LAMA1: variants seen among roughly 807,000 people sequenced by gnomAD.
LAMA1 encodes laminin subunit alpha-1.
LAMA1 carries 219 observed loss-of-function variants against 348.7 expected under a neutral mutation model. The ratio of observed to expected loss-of-function variants is 0.63; its 90% CI spans 0.56 to 0.70. The LOEUF (loss-of-function observed/expected upper bound fraction) is 0.70, where lower values mean the gene tolerates loss of function less well. Among genes scored for constraint, LAMA1 ranks in the 30% least tolerant of loss-of-function variants. LAMA1 has a pLI of 0.00. For synonymous variants in LAMA1, 1,487 were observed against 1,491.0 expected (o/e 1.00, Z 0.06); for missense variants, 3,744 against 3,888.0 (o/e 0.96, Z 0.99).
At chr18:7,094,400 T>C (rs932870195) in intron 1 of LAMA1, among the ~76,000 whole-genome samples, 42 of 146,494 alleles carry the variant, frequency 2.9e-4, no homozygotes, top group Non-Finnish European at 5.5e-4. Flanking sequence ...GCACTCCAGC[T>C]TGGGTGACAG....
intron 61 of LAMA1, among the ~76,000 whole-genome samples, chr18:6,943,897 A>G (rs1009496460): frequency 6.6e-6 from 1 of 151,716 alleles, no homozygotes; most frequent in Non-Finnish European, 1.5e-5. Flanking sequence ...CCCAAATTCC[A>G]GAAAGCGCAA....
chr18:6,991,779 T>A (rs1600377562), intron 36 of LAMA1, among the ~76,000 whole-genome samples: 1 of 152,318 alleles, frequency 6.6e-6, no homozygotes, highest in East Asian at 1.9e-4. Context: ...TATTTGATAT[T>A]TCAATATAGA....
chr18:7,088,302 C>T (rs2058225750), intron 1 of LAMA1, among the ~76,000 whole-genome samples: 1 of 152,120 alleles, frequency 6.6e-6, no homozygotes, highest in African/African-American at 2.4e-5. Context: ...GGCTTTGCCA[C>T]ACTGAGTACT....
intron 1 of LAMA1, among the ~76,000 whole-genome samples, chr18:7,081,483 T>C (rs1476434174): frequency 2.0e-5 from 3 of 152,210 alleles, no homozygotes; most frequent in African/African-American, 7.2e-5. Flanking sequence ...AACACAAAGA[T>C]ACAGTTTTCA....
At chr18:7,080,126 T>C (rs2058186943) in intron 2 of LAMA1, 39 bp from the exon 3 acceptor site, 1 of 1,579,104 alleles carries the variant, frequency 6.3e-7, no homozygotes, top group Non-Finnish European at 8.7e-7. Flanking sequence ...TCCTCTCGGC[T>C]GTTGCTTTAA....
intron 42 of LAMA1, among the ~76,000 whole-genome samples, chr18:6,979,403 C>T (rs995848206): frequency 6.6e-6 from 1 of 152,144 alleles, no homozygotes; most frequent in Non-Finnish European, 1.5e-5. Flanking sequence ...CACAGTGGCT[C>T]ACACTTGTAA....
intron 1 of LAMA1, among the ~76,000 whole-genome samples, chr18:7,112,915 G>A (rs2058341615): frequency 6.6e-6 from 1 of 152,162 alleles, no homozygotes; most frequent in Non-Finnish European, 1.5e-5. Flanking sequence ...GATTACAGGC[G>A]TGAGCCACTG....
chr18:6,976,298 A>G (rs937784552), intron 44 of LAMA1, among the ~76,000 whole-genome samples: 3 of 152,178 alleles, frequency 2.0e-5, no homozygotes, highest in Non-Finnish European at 2.9e-5. Context: ...TTAGTTTTTA[A>G]TAAGTTATTT....
chr18:7,023,452 A>G, intron 18 of LAMA1, 77 bp from the exon 19 acceptor site: 8 of 1,152,350 alleles, frequency 6.9e-6, no homozygotes, highest in Non-Finnish European at 1.0e-5. Context: ...GGACTCCCTG[A>G]ATGGCTAATA....
chr18:6,976,755 C>T (rs1230611069), intron 44 of LAMA1, among the ~76,000 whole-genome samples: 6 of 151,946 alleles, frequency 3.9e-5, no homozygotes, highest in Non-Finnish European at 8.8e-5. Context: ...TACAGGTTCA[C>T]ACCACCAAGC....
intron 34 of LAMA1, 107 bp downstream of exon 34, chr18:6,995,250 G>C: frequency 2.5e-6 from 2 of 793,868 alleles, no homozygotes; most frequent in Admixed American, 1.8e-5. Context: ...GGAGGAAGAG[G>C]CTGGCATGAT....
At chr18:7,026,888 C>A (rs1002481525) in intron 16 of LAMA1, among the ~76,000 whole-genome samples, 2 of 151,332 alleles carry the variant, frequency 1.3e-5, no homozygotes, top group African/African-American at 4.9e-5. Context: ...TCCCAGCTAC[C>A]TGGGAGGCTG....
chr18:7,001,923 T>C (rs1347724606), intron 30 of LAMA1, among the ~76,000 whole-genome samples: 4 of 152,204 alleles, frequency 2.6e-5, no homozygotes, highest in Non-Finnish European at 5.9e-5. Flanking sequence ...AAATGGTAAT[T>C]GGGTTCTTTT....
At chr18:6,985,754 A>G (rs1384936460) in intron 37 of LAMA1, 111 bp from the exon 38 acceptor site, 2 of 727,144 alleles carry the variant, frequency 2.8e-6, no homozygotes, top group African/African-American at 3.6e-5. Flanking sequence ...CTTTTATTTT[A>G]TTTTAAAGTT....
At chr18:7,006,608 G>A (rs780161335) in intron 29 of LAMA1, among the ~76,000 whole-genome samples, 6 of 152,204 alleles carry the variant, frequency 3.9e-5, no homozygotes, top group South Asian at 2.1e-4. Flanking sequence ...AGCTGATTTC[G>A]TCACGGTGTG....
chr18:6,995,487 A>T (rs1568023112), intron 33 of LAMA1, 41 bp from the exon 34 acceptor site: 1 of 1,053,014 alleles, frequency 9.5e-7, no homozygotes, highest in Non-Finnish European at 1.5e-6. Context: ...GCTTCGAAGT[A>T]AAATGTTCTG....
chr18:7,069,023 TCACGGA>T (rs1382476655), intron 3 of LAMA1, among the ~76,000 whole-genome samples: 29 of 152,318 alleles, frequency 1.9e-4, no homozygotes, highest in African/African-American at 7.0e-4. Context: ...AAAACTGTCT[TCACGGA>T]TTTCCCTGAA....
In LAMA1 at chr18:6,997,836, A is replaced by G. The variant is rs140296099; in HGVS notation, c.4712T>C (p.Ile1571Thr). 15 of 1,614,076 alleles carry G rather than the reference A, an allele frequency of 9.3e-6. No homozygotes were observed. The highest frequency in any genetic ancestry group is 2.7e-5 in the African/African-American group (2 of 74,940). ...VGVLLNDLDE[I>T]GDAVLSLNLT... Reference sequence around the variant, plus strand: ...GTTCAGAGAAAGAACGGCATCACCAATCTCATCCAAGTCATTCAGCAGCAC... The same window carrying G: ...GTTCAGAGAAAGAACGGCATCACCAGTCTCATCCAAGTCATTCAGCAGCAC... Residue 1571 changes from isoleucine to threonine, a missense_variant, in exon 33 of 63, where the codon ATT becomes ACT. By Grantham distance (89) the Ile-to-Thr change is moderately conservative. Coordinates refer to ENST00000389658, the MANE Select transcript of LAMA1 (RefSeq NM_005559.4).
At chr18:6,955,305 TAC>T in intron 57 of LAMA1, 46 bp downstream of exon 57, 1 of 1,404,348 alleles carries the variant, frequency 7.1e-7, no homozygotes, top group Non-Finnish European at 1.0e-6. Context: ...AACACCCCCA[TAC>T]ATCTAGCAAT....
Sources: gnomAD v4.1 joint callset for allele counts (sites outside exome capture counted in the v4.1 genomes callset) on GRCh38, gnomAD v4.1.1 for gene constraint, MANE v1.5 for transcripts, NCBI Gene and HGNC (gene_info 2026-07-23, HGNC 2026-07-21) for gene names.